The following CPNE3 variants were observed in gnomAD, a reference collection of about 807,000 sequenced individuals.
CPNE3 encodes the protein copine 3.
CPNE3 carries 68 observed loss-of-function variants against 63.9 expected under a neutral mutation model. The ratio of observed to expected loss-of-function variants is 1.06; its 90% CI spans 0.87 to 1.30. The LOEUF is 1.30. Ranked by LOEUF, CPNE3 falls within the 50% of genes most tolerant of loss-of-function variation. The pLI is 0.00. For missense variants in CPNE3, 665 were observed against 578.1 expected, an observed-to-expected ratio of 1.15 and a Z score of -1.54; for synonymous variants, 219 against 197.5, an observed-to-expected ratio of 1.11 and a Z score of -0.91.
chr8:86,536,881 A>T (rs1820814648), intron 6 of CPNE3, among the ~76,000 whole-genome samples: 1 of 152,186 alleles, frequency 6.6e-6, no homozygotes, highest in African/African-American at 2.4e-5. Context: ...GGATGGTGAT[A>T]ACGGTATTTT....
rs537160248 is a variant in CPNE3, at chr8:86,544,865, T to C, written c.732+27T>C. 6 of 1,351,468 alleles carry C rather than the reference T, an allele frequency of 4.4e-6. 1 individual carries two copies. In the South Asian group the frequency reaches 7.7e-5, roughly 17 times the overall value. The allele number at this position is 1,351,468 out of a possible 1,614,324, so 83.7% of individuals were successfully genotyped here. A position where few individuals can be genotyped will look rare whatever the true frequency, so the allele number is the denominator to read the frequency against. On this transcript the variant is annotated intron_variant, in intron 9 of 16. Coordinates refer to ENST00000517490, the MANE Select transcript of CPNE3 (RefSeq NM_003909.5). Reference sequence around the variant, plus strand: ...TAAGTTACATCCTTGCATTTGCATATACTTTATAGTTTGGCTATGTATTTA... The same window carrying C: ...TAAGTTACATCCTTGCATTTGCATACACTTTATAGTTTGGCTATGTATTTA...
intron 6 of CPNE3, among the ~76,000 whole-genome samples, chr8:86,535,707 T>G (rs900021009): frequency 2.6e-5 from 4 of 152,184 alleles, no homozygotes; most frequent in African/African-American, 7.2e-5. Flanking sequence ...ACTTATTTTA[T>G]ATTCATACCT....
chr8:86,532,045 T>G (rs1820695631), intron 5 of CPNE3, among the ~76,000 whole-genome samples: 1 of 152,214 alleles, frequency 6.6e-6, no homozygotes, highest in Non-Finnish European at 1.5e-5. Context: ...TTAGCTTCCT[T>G]GTTGTAGGGC....
At chr8:86,541,916 A>G (rs1820950773) in intron 8 of CPNE3, among the ~76,000 whole-genome samples, 3 of 152,306 alleles carry the variant, frequency 2.0e-5, no homozygotes, top group African/African-American at 4.8e-5. Context: ...TTCATATTAA[A>G]AATAGTAAAC....
chr8:86,540,314 G>T lies in CPNE3; in HGVS notation c.613G>T (p.Asp205Tyr). The T allele has an allele frequency of 6.5e-7, 1 of 1,544,376 alleles. No homozygotes were observed. Residue 205 changes from aspartate to tyrosine, a missense_variant, in exon 8 of 17, where the codon GAT becomes TAT. Coordinates refer to ENST00000517490, the MANE Select transcript of CPNE3 (RefSeq NM_003909.5). ...CTCTCTTAACTCACTGTGTTACGGA[G>T]ATATGGACAAAACCATTAAGGTAAG... The part of the protein sequence containing the change: ...KISLNSLCYG[D>Y]MDKTIKVECY...
chr8:86,555,071 A>G, intron 15 of CPNE3, 87 bp downstream of exon 15: 1 of 1,571,314 alleles, frequency 6.4e-7, no homozygotes, highest in South Asian at 1.2e-5. Flanking sequence ...GTTTGTCATA[A>G]TACAAAGTCA....
chr8:86,521,587 C>A (rs1820435140), intron 2 of CPNE3: 1 of 151,964 alleles, frequency 6.6e-6, no homozygotes, highest in Non-Finnish European at 1.5e-5. Context: ...TTTACTAATA[C>A]TATTTTTACT....
rs1247603926 is a variant in CPNE3 at position 86,555,371 on chromosome 8, A to G, written c.1254+387A>G. On this transcript the variant is annotated intron_variant, in intron 15 of 16. Coordinates refer to ENST00000517490, the MANE Select transcript of CPNE3 (RefSeq NM_003909.5). ...TATTTGAATGAGGTAACCATTACCT[A>G]TTGGACCGTGGATACCAAATTTCTC... Among the ~76,000 whole-genome samples the G allele has an allele frequency of 5.9e-5, 9 of 152,346 alleles. No individual in the cohort carries two copies. The South Asian group carries it at 1.4e-3, about 25-fold the overall frequency.
chr8:86,555,701 TATTCTAATATTCTA>T (rs1040056221), intron 15 of CPNE3, among the ~76,000 whole-genome samples: 3 of 146,810 alleles, frequency 2.0e-5, no homozygotes, highest in African/African-American at 7.3e-5. Context: ...AAAATTTTTG[TATTCTAATATTCTA>T]ATTCTAATAA....
intron 3 of CPNE3, 62 bp downstream of exon 3, chr8:86,528,739 T>C (rs941378079): frequency 1.3e-6 from 2 of 1,523,598 alleles, no homozygotes; most frequent in Non-Finnish European, 1.8e-6. Context: ...TGTGAAGAGT[T>C]TTTTTAATGT....
chr8:86,552,840 T>A (rs1361221021), intron 14 of CPNE3, among the ~76,000 whole-genome samples: 1 of 146,198 alleles, frequency 6.8e-6, no homozygotes, highest in Non-Finnish European at 1.5e-5. Context: ...ATTATTAATT[T>A]TTTTTTTTTT....
intron 4 of CPNE3, among the ~76,000 whole-genome samples, chr8:86,530,202 C>A (rs1486812601): frequency 2.1e-5 from 3 of 143,806 alleles, no homozygotes; most frequent in Non-Finnish European, 4.5e-5. Context: ...CAGGGTCTCA[C>A]TAAGTCACCC....
intron 16 of CPNE3, 83 bp from the exon 17 acceptor site, chr8:86,558,205 T>G (rs1414244872): frequency 1.4e-5 from 12 of 843,544 alleles, no homozygotes; most frequent in Non-Finnish European, 2.5e-5. Flanking sequence ...TTTTAGTGGC[T>G]GCTGAAGTAT....
At position 86,554,889 on chromosome 8, in the gene CPNE3, C is replaced by T. The variant is rs1225775308; in HGVS notation, c.1159C>T (p.Pro387Ser). Residue 387 changes from proline (P) to serine (S), a missense_variant, in exon 15 of 17, where the codon CCT becomes TCT. Physicochemically the swap from Pro to Ser is moderately conservative, Grantham distance 74 (BLOSUM62 -1). Transcript: ENST00000517490. Reference sequence around the variant, plus strand: ...TGTAGAGGCGTATCGGTCTTGTCTTCCTCAGATAAAACTCTATGGACCAAC... The same window carrying T: ...TGTAGAGGCGTATCGGTCTTGTCTTTCTCAGATAAAACTCTATGGACCAAC... ...GIVEAYRSCL[P>S]QIKLYGPTNF... 1 of 1,614,090 alleles carries T rather than the reference C, an allele frequency of 6.2e-7. No individual in the cohort carries two copies. The highest frequency in any genetic ancestry group is 1.7e-5 in the Admixed American group (1 of 60,012).
At chr8:86,525,187 C>G (rs1266138958) in intron 2 of CPNE3, among the ~76,000 whole-genome samples, 2 of 151,988 alleles carry the variant, frequency 1.3e-5, no homozygotes, top group Non-Finnish European at 2.9e-5. Flanking sequence ...GATGAGGTCT[C>G]TGTTGCTCAG....
intron 10 of CPNE3, 87 bp from the exon 11 acceptor site, chr8:86,547,623 AC>A (rs1821082087): frequency 2.8e-6 from 2 of 708,766 alleles, no homozygotes; most frequent in East Asian, 5.4e-5. Flanking sequence ...TGTTCAATTT[AC>A]AGACTTTTAA....
Position 86,556,214 on chromosome 8 carries a change from T to C in CPNE3, c.1367T>C (p.Val456Ala), listed in dbSNP as rs778814351. Residue 456 changes from valine (V) to alanine (A), a missense_variant, in exon 16 of 17, where the codon GTT becomes GCT. Val to Ala is a moderately conservative substitution (Grantham distance 64). Transcript: ENST00000517490. ...CCTATGTCCATCATAATTGTTGGAG[T>C]TGGAGGTGCTGACTTCAGCGCCATG... ...RLPMSIIIVG[V>A]GGADFSAMEF... 6 of 872,866 alleles carry C rather than the reference T, an allele frequency of 6.9e-6. No individual in the cohort carries two copies. The highest frequency in any genetic ancestry group is 4.9e-5 in the African/African-American group (3 of 61,316). The allele number at this position is 872,866 out of a possible 1,614,324, so 54.1% of individuals were successfully genotyped here. A position where few individuals can be genotyped will look rare whatever the true frequency, so the allele number is the denominator to read the frequency against.
rs1323765431 is a variant in CPNE3, at chr8:86,546,594, G to A, written c.733-1G>A. ...AACATTTTTGTCTTCTCTTCCTACAGGTTGAATTTGAATGCATAAATGAGA... is the reference window on the plus strand; with the variant it reads ...AACATTTTTGTCTTCTCTTCCTACAAGTTGAATTTGAATGCATAAATGAGA... On this transcript the variant is annotated splice_acceptor_variant, in intron 9 of 16. Transcript: ENST00000517490. LOFTEE classifies it high-confidence loss of function. 12 of 1,611,488 alleles carry A rather than the reference G, an allele frequency of 7.4e-6. No individual in the cohort carries two copies. The highest frequency in any genetic ancestry group is 1.3e-5 in the African/African-American group (1 of 74,602).
intron 9 of CPNE3, among the ~76,000 whole-genome samples, chr8:86,545,758 T>G (rs1821033062): frequency 6.6e-6 from 1 of 152,202 alleles, no homozygotes; most frequent in African/African-American, 2.4e-5. Flanking sequence ...TTATCAAGCA[T>G]TTATTGAATA....
Sources: gnomAD v4.1 joint callset for allele counts (sites outside exome capture counted in the v4.1 genomes callset) on GRCh38, gnomAD v4.1.1 for gene constraint, MANE v1.5 for transcripts, NCBI Gene and HGNC (gene_info 2026-07-23, HGNC 2026-07-21) for gene names.